SLC23A2: variants seen among roughly 807,000 people sequenced by gnomAD.
SLC23A2 encodes Na(+)/L-ascorbic acid transporter 2.
In SLC23A2, 36 loss-of-function variants were observed where a neutral mutation model predicts 73.3. The ratio of observed to expected loss-of-function variants is 0.49; its 90% CI spans 0.38 to 0.65. SLC23A2 has a LOEUF of 0.65. SLC23A2 is among the 30% of genes least tolerant of loss of function. The pLI, the probability that SLC23A2 is intolerant of heterozygous loss-of-function variation, is 0.00. For missense variants in SLC23A2, 507 were observed against 841.6 expected (o/e 0.60, Z 4.92); for synonymous variants, 343 against 327.3 (o/e 1.05, Z -0.52).
Position 4,986,417 on chromosome 20 carries a change from A to T in SLC23A2, c.-282+14989T>A, listed in dbSNP as rs182643149. 3.3e-5 allele frequency among the ~76,000 whole-genome samples: 5 copies of T among 152,214 alleles called. No individual in the cohort carries two copies. In the East Asian group the frequency reaches 9.6e-4, roughly 29 times the overall value. Reference sequence around the variant, plus strand: ...CAACCTCCGCCTCCTGGATTCAAGCAATTCTCCTGCCTCAGCCTCCTGAGT... The same window carrying T: ...CAACCTCCGCCTCCTGGATTCAAGCTATTCTCCTGCCTCAGCCTCCTGAGT... On this transcript the variant is annotated intron_variant, in intron 1 of 16. Transcript: ENST00000338244.
At chr20:4,927,540 C>A (rs1932715666) in intron 3 of SLC23A2, among the ~76,000 whole-genome samples, 1 of 152,182 alleles carries the variant, frequency 6.6e-6, no homozygotes, top group Non-Finnish European at 1.5e-5. Context: ...GTCCCACACC[C>A]CCACTGCCTG....
intron 6 of SLC23A2, among the ~76,000 whole-genome samples, chr20:4,888,602 C>T (rs897924276): frequency 6.6e-6 from 1 of 152,208 alleles, no homozygotes; most frequent in African/African-American, 2.4e-5. Context: ...CAAAACCCTG[C>T]CAGAGGCCCC....
At chr20:4,914,972 G>A (rs890470559) in intron 3 of SLC23A2, among the ~76,000 whole-genome samples, 1 of 152,132 alleles carries the variant, frequency 6.6e-6, no homozygotes, top group African/African-American at 2.4e-5. Flanking sequence ...CATGAAAGGT[G>A]GGGGTTGCAC....
At chr20:4,971,238 AG>A (rs2122222819) in intron 1 of SLC23A2, among the ~76,000 whole-genome samples, 1 of 151,974 alleles carries the variant, frequency 6.6e-6, no homozygotes, top group East Asian at 1.9e-4. Context: ...AGGTCAAGGC[AG>A]GCAGGTCACT....
intron 3 of SLC23A2, among the ~76,000 whole-genome samples, chr20:4,918,325 C>G (rs928391509): frequency 6.6e-6 from 1 of 152,078 alleles, no homozygotes; most frequent in African/African-American, 2.4e-5. Context: ...AAACTCGTGG[C>G]CTTAAGTTTT....
intron 13 of SLC23A2, among the ~76,000 whole-genome samples, chr20:4,867,180 G>A (rs952500435): frequency 4.0e-5 from 6 of 151,508 alleles, no homozygotes; most frequent in African/African-American, 1.2e-4. Flanking sequence ...CCAGTTACCC[G>A]GCAGACCCCA....
rs904778761 is a variant in SLC23A2, at chr20:4,899,410, G to C, written c.482+145C>G. The C allele has an allele frequency of 5.9e-6, 5 of 841,650 alleles. No individual in the cohort carries two copies. The highest frequency in any genetic ancestry group is 9.7e-6 in the Non-Finnish European group (5 of 513,818). 52.1% of individuals were successfully genotyped at this position (841,650 alleles called of 1,614,324 possible). Reference sequence around the variant, plus strand: ...GGAAATGACTGGGAGGAACACTGAGGGGTGGGGACCAACGGCCACTAGGAC... The same window carrying C: ...GGAAATGACTGGGAGGAACACTGAGCGGTGGGGACCAACGGCCACTAGGAC... On this transcript the variant is annotated intron_variant, in intron 6 of 16. Transcript: ENST00000338244. This position sits in a 1 kb window ranked among gnomAD's most constrained non-coding sequence, Gnocchi z 4.9.
Position 4,883,761 on chromosome 20 carries a change from A to C in SLC23A2, c.705T>G (p.Pro235=), listed in dbSNP as rs1246633748. 2 of 1,613,744 alleles carry C rather than the reference A, an allele frequency of 1.2e-6. No individual in the cohort carries two copies. The highest frequency in any genetic ancestry group is 1.7e-6 in the Non-Finnish European group (2 of 1,179,734). The change falls in exon 9 of 17, where the codon CCT becomes CCG. Residue 235 remains proline, a synonymous_variant. Coordinates refer to ENST00000338244, the MANE Select transcript of SLC23A2 (RefSeq NM_005116.6). The surrounding 1 kb of genome is among the most constrained non-coding windows in gnomAD (Gnocchi z 4.5). ...GACCGATGTACTTCAGTAGAGCCCC[A>C]GGCAGGCCGAGGAGGCCGATGACTA... ...IEVVIGLLGL[P]GALLKYIGPL...
intron 9 of SLC23A2, among the ~76,000 whole-genome samples, chr20:4,879,805 A>T (rs1357312661): frequency 6.6e-6 from 1 of 152,230 alleles, no homozygotes; most frequent in Non-Finnish European, 1.5e-5. Context: ...TCATTGTGTT[A>T]TCTGTAGCAG....
intron 1 of SLC23A2, among the ~76,000 whole-genome samples, chr20:4,974,434 T>C (rs1432555178): frequency 3.3e-5 from 5 of 151,826 alleles, no homozygotes; most frequent in African/African-American, 1.2e-4. Flanking sequence ...CGCATTGCAC[T>C]CCAGCCTGGG....
chr20:4,973,151 G>T (rs2087591116), intron 1 of SLC23A2, among the ~76,000 whole-genome samples: 1 of 152,184 alleles, frequency 6.6e-6, no homozygotes, highest in Non-Finnish European at 1.5e-5. Flanking sequence ...AACAGGGCTG[G>T]CAAGGATACA....
intron 2 of SLC23A2, among the ~76,000 whole-genome samples, chr20:4,941,168 A>AT (rs1311133801): frequency 6.6e-6 from 1 of 151,530 alleles, no homozygotes; most frequent in Non-Finnish European, 1.5e-5. Flanking sequence ...AAAAAAAAAA[A>AT]GTTTCAGTTA....
chr20:4,865,540 A>T (rs965324677), intron 13 of SLC23A2, among the ~76,000 whole-genome samples: 6 of 152,210 alleles, frequency 3.9e-5, no homozygotes, highest in Non-Finnish European at 8.8e-5. Context: ...AATTTTAATA[A>T]AAGGAATGAT....
At position 4,856,686 on chromosome 20, in the gene SLC23A2, T is replaced by G. The variant is rs73597400; in HGVS notation, c.*286A>C. 7.7e-3 allele frequency: 2,582 copies of G among 333,604 alleles called. 56 individuals are homozygous for G. The highest frequency in any genetic ancestry group is 0.051 in the African/African-American group (2,410 of 47,074). 20.7% of individuals were successfully genotyped at this position (333,604 alleles called of 1,614,324 possible). On this transcript the variant is annotated 3_prime_UTR_variant, in exon 17 of 17. Coordinates refer to ENST00000338244, the MANE Select transcript of SLC23A2 (RefSeq NM_005116.6). This position sits in a 1 kb window ranked among gnomAD's most constrained non-coding sequence, Gnocchi z 4.6. ...CTGAAGCAAGGAATGGCTGCAGATT[T>G]TAAATGTCCACTCCAAAGGGAGGAC...
intron 3 of SLC23A2, among the ~76,000 whole-genome samples, chr20:4,925,469 A>T (rs1351511725): frequency 1.3e-5 from 2 of 152,112 alleles, no homozygotes; most frequent in African/African-American, 2.4e-5. Flanking sequence ...TAGGAGGCCA[A>T]TTCCAGGACA....
At chr20:4,938,524 T>C (rs1306071428) in intron 2 of SLC23A2, among the ~76,000 whole-genome samples, 1 of 151,762 alleles carries the variant, frequency 6.6e-6, no homozygotes, top group East Asian at 1.9e-4. Context: ...TTTTAGTAGA[T>C]GTTGGCCAGT....
chr20:4,986,642 A>C (rs1207455720), intron 1 of SLC23A2, among the ~76,000 whole-genome samples: 1 of 67,818 alleles, frequency 1.5e-5, no homozygotes, highest in Non-Finnish European at 3.0e-5. Flanking sequence ...ATACATACAT[A>C]CACACATACA....
intron 6 of SLC23A2, among the ~76,000 whole-genome samples, chr20:4,893,319 A>C (rs1776961): frequency 0.29 from 43,278 of 151,688 alleles, 9,123 homozygotes; most frequent in African/African-American, 0.59. Flanking sequence ...CCCGCCTCAG[A>C]CTCCCAAAGT....
intron 3 of SLC23A2, among the ~76,000 whole-genome samples, chr20:4,916,660 A>G (rs973258103): frequency 6.6e-6 from 1 of 152,218 alleles, no homozygotes; most frequent in African/African-American, 2.4e-5. Flanking sequence ...ACATACACAA[A>G]TAAGTATAAT....
Sources: allele counts gnomAD v4.1 joint callset (sites outside exome capture counted in the v4.1 genomes callset), GRCh38; gene constraint gnomAD v4.1.1; non-coding constraint Gnocchi (gnomAD v3.1); transcripts MANE v1.5; gene names NCBI Gene and HGNC (gene_info 2026-07-23, HGNC 2026-07-21).